CDH17: variants seen among roughly 807,000 people sequenced by gnomAD.
The protein encoded by CDH17 is cadherin 17, also known as cadherin-17.
Under a neutral mutation model 86.3 loss-of-function variants are expected in CDH17, and 67 were observed. The ratio of observed to expected loss-of-function variants is 0.78; its 90% CI spans 0.64 to 0.95. The LOEUF (loss-of-function observed/expected upper bound fraction) is 0.95. CDH17 is among the 40% of genes least tolerant of loss of function. The pLI, the probability that CDH17 is intolerant of heterozygous loss-of-function variation, is 0.00. For missense variants in CDH17, 993 were observed against 1,017.6 expected, an observed-to-expected ratio of 0.98 and a Z score of 0.33; for synonymous variants, 367 against 366.4, an observed-to-expected ratio of 1.00 and a Z score of -0.02.
At chr8:94,159,396 C>T (rs1813005503) in intron 12 of CDH17, among the ~76,000 whole-genome samples, 1 of 152,122 alleles carries the variant, frequency 6.6e-6, no homozygotes, top group Admixed American at 6.6e-5. Context: ...GTCTATTAAA[C>T]CTTGGAAGGA....
chr8:94,172,029 C>T (rs1256799418), intron 7 of CDH17, among the ~76,000 whole-genome samples: 1 of 139,636 alleles, frequency 7.2e-6, no homozygotes, highest in Non-Finnish European at 1.5e-5. Flanking sequence ...CCCGCTCCTC[C>T]TTCCCCCTCT....
intron 12 of CDH17, among the ~76,000 whole-genome samples, chr8:94,158,452 CAT>C (rs1367529453): frequency 3.3e-5 from 5 of 152,120 alleles, no homozygotes; most frequent in African/African-American, 1.2e-4. Flanking sequence ...AAAAATATGA[CAT>C]ACGGGCCTTG....
chr8:94,168,109 T>A (rs1241659698), intron 9 of CDH17, among the ~76,000 whole-genome samples: 37 of 12,824 alleles, frequency 2.9e-3, no homozygotes, highest in Non-Finnish European at 5.6e-3. Context: ...TATATATATA[T>A]ATATATATAT....
chr8:94,151,010 A>T (rs928831683), intron 13 of CDH17, among the ~76,000 whole-genome samples: 1 of 152,170 alleles, frequency 6.6e-6, no homozygotes, highest in African/African-American at 2.4e-5. Context: ...TGCCTGAAGG[A>T]CAGCTCAATG....
intron 15 of CDH17, among the ~76,000 whole-genome samples, chr8:94,140,446 A>G (rs887646742): frequency 6.6e-6 from 1 of 152,112 alleles, no homozygotes; most frequent in Non-Finnish European, 1.5e-5. Flanking sequence ...AATGCAGCTA[A>G]TGTGACACCT....
intron 9 of CDH17, among the ~76,000 whole-genome samples, chr8:94,167,572 G>C (rs1178173377): frequency 6.6e-6 from 1 of 152,222 alleles, no homozygotes; most frequent in Non-Finnish European, 1.5e-5. Context: ...AAGAGAATAT[G>C]TTTCTAGTGC....
intron 7 of CDH17, among the ~76,000 whole-genome samples, chr8:94,172,040 C>G (rs1008165500): frequency 7.3e-6 from 1 of 136,274 alleles, no homozygotes; most frequent in Non-Finnish European, 1.6e-5. Context: ...TTCCCCCTCT[C>G]CCCCTCTCTC....
chr8:94,158,045 C>A (rs571591882), intron 12 of CDH17, among the ~76,000 whole-genome samples: 6 of 152,250 alleles, frequency 3.9e-5, no homozygotes, highest in South Asian at 2.1e-4. Flanking sequence ...GATGGTTGAA[C>A]AAATCCACTT....
upstream of CDH17, among the ~76,000 whole-genome samples, chr8:94,211,635 A>G (rs1245523259): frequency 6.6e-6 from 1 of 152,218 alleles, no homozygotes; most frequent in East Asian, 1.9e-4. Flanking sequence ...TTAAAACTCA[A>G]AATGAAATCT....
intron 15 of CDH17, among the ~76,000 whole-genome samples, chr8:94,140,675 C>T (rs532245025): frequency 6.6e-6 from 1 of 152,030 alleles, no homozygotes; most frequent in Admixed American, 6.5e-5. Flanking sequence ...AACTTCTAGC[C>T]AGATTATCAG....
At chr8:94,181,954 A>G (rs1813494334) in intron 3 of CDH17, among the ~76,000 whole-genome samples, 3 of 152,130 alleles carry the variant, frequency 2.0e-5, no homozygotes, top group Admixed American at 1.3e-4. Context: ...TAAGAGGACT[A>G]CTACCAACCT....
intron 15 of CDH17, among the ~76,000 whole-genome samples, chr8:94,134,222 A>G (rs181731741): frequency 6.6e-6 from 1 of 152,228 alleles, no homozygotes; most frequent in Non-Finnish European, 1.5e-5. Flanking sequence ...ATAGTTTCAG[A>G]AGGAATGATA....
At chr8:94,149,023 G>T in intron 13 of CDH17, 149 bp from the exon 14 acceptor site, 1 of 496,862 alleles carries the variant, frequency 2.0e-6, no homozygotes, top group Non-Finnish European at 3.3e-6. Context: ...ATCATTATCA[G>T]CATTACTTGT....
intron 3 of CDH17, among the ~76,000 whole-genome samples, chr8:94,180,711 C>A (rs201656739): frequency 6.6e-6 from 1 of 151,834 alleles, no homozygotes; most frequent in Non-Finnish European, 1.5e-5. Flanking sequence ...CTGGCTAACA[C>A]GGTGAAACCC....
chr8:94,180,206 T>A (rs1813451728), intron 3 of CDH17, among the ~76,000 whole-genome samples: 1 of 151,920 alleles, frequency 6.6e-6, no homozygotes, highest in Non-Finnish European at 1.5e-5. Context: ...AAAGAAAGAA[T>A]TTGTGAACTT....
chr8:94,206,022 GTA>G (rs1433971247), intron 1 of CDH17, among the ~76,000 whole-genome samples: 1 of 152,146 alleles, frequency 6.6e-6, no homozygotes, highest in Non-Finnish European at 1.5e-5. Flanking sequence ...TAAGTAATAA[GTA>G]TATGGTCAAA....
intron 1 of CDH17, among the ~76,000 whole-genome samples, chr8:94,216,801 T>TC (rs1343933085): frequency 1.3e-5 from 2 of 152,322 alleles, no homozygotes; most frequent in African/African-American, 4.8e-5. Flanking sequence ...GAGAGGTTTT[T>TC]CTCAGTACAA....
At chr8:94,133,290 C>T (rs1314957356) in intron 15 of CDH17, among the ~76,000 whole-genome samples, 1 of 152,150 alleles carries the variant, frequency 6.6e-6, no homozygotes, top group East Asian at 1.9e-4. Flanking sequence ...TTCTTCCTGT[C>T]CACGAGCATG....
At position 94,128,343 on chromosome 8, in the gene CDH17, A is replaced by T; in HGVS notation, c.2399-3T>A. 6.3e-7 allele frequency: 1 copy of T among 1,577,712 alleles called. No individual in the cohort carries two copies. The stretch of plus-strand genomic sequence containing the variant: ...AAACACAACTGCTAAAATTATACCT[A>T]AAAGAAAAAACCCAGGGTCAAATAA... On this transcript the variant is annotated splice_region_variant and splice_polypyrimidine_tract_variant and intron_variant, in intron 17 of 17. Coordinates refer to ENST00000027335, the MANE Select transcript of CDH17 (RefSeq NM_004063.4).
Sources: allele counts gnomAD v4.1 joint callset (sites outside exome capture counted in the v4.1 genomes callset), GRCh38; gene constraint gnomAD v4.1.1; transcripts MANE v1.5; gene names NCBI Gene and HGNC (gene_info 2026-07-23, HGNC 2026-07-21).